SOX30: variants seen among roughly 807,000 people sequenced by gnomAD.
SOX30 encodes transcription factor SOX-30.
A neutral mutation model predicts 58.6 loss-of-function variants in SOX30; 17 were observed. That is an observed-to-expected ratio of 0.29 (90% CI 0.20 to 0.44). The LOEUF (loss-of-function observed/expected upper bound fraction) is 0.44. Ranked by LOEUF, SOX30 falls within the 20% of genes least tolerant of loss-of-function variation. The pLI, the probability that SOX30 is intolerant of heterozygous loss-of-function variation, is 1.00. For missense variants in SOX30, 951 were observed against 965.8 expected (o/e 0.98, Z 0.20); for synonymous variants, 421 against 400.2 (o/e 1.05, Z -0.62).
intron 3 of SOX30, among the ~76,000 whole-genome samples, chr5:157,643,100 GGACAACAAC>G: frequency 6.8e-6 from 1 of 147,848 alleles, no homozygotes; most frequent in South Asian, 2.2e-4. Context: ...AGAAGAAAAC[GGACAACAAC>G]AACAACAACA....
In SOX30 at chr5:157,651,450, C is replaced by T. The variant is rs1263415020; in HGVS notation, c.629G>A (p.Gly210Asp). 1.2e-6 allele frequency: 2 copies of T among 1,613,308 alleles called. No homozygotes were observed. Among genetic ancestry groups the T allele is most frequent in the African/African-American group, 1.3e-5 (1 of 74,952 alleles). ...AGKSPAAIREGVIKTEEPERL... is the reference protein window; with the variant it reads ...AGKSPAAIREDVIKTEEPERL... ...CTCGGGTTCCTCCGTTTTGATCACA[C>T]CTTCTCGGATGGCTGCCGGGCTTTT... Residue 210 changes from glycine to aspartate, a missense_variant, in exon 1 of 5, where the codon GGT becomes GAT. This residue lies in a region of SOX30 where 363 missense variants were observed against 294.5 expected (regional missense o/e 1.23). Transcript: ENST00000265007.
chr5:157,634,923 C>A (rs1209881795), intron 4 of SOX30, among the ~76,000 whole-genome samples: 1 of 152,214 alleles, frequency 6.6e-6, no homozygotes, highest in East Asian at 1.9e-4. Context: ...GCTGGGATTA[C>A]AGGCGTGAGC....
chr5:157,646,489 C>T, intron 3 of SOX30, 148 bp downstream of exon 3: 1 of 629,122 alleles, frequency 1.6e-6, no homozygotes, highest in Non-Finnish European at 2.7e-6. Flanking sequence ...TTTCCTTCTC[C>T]TATTTAATGT....
intron 2 of SOX30, among the ~76,000 whole-genome samples, chr5:157,648,043 G>A (rs1395591245): frequency 6.6e-6 from 1 of 152,094 alleles, no homozygotes; most frequent in Non-Finnish European, 1.5e-5. Flanking sequence ...TTCATTACTA[G>A]AACCTCTCTG....
chr5:157,656,943 G>A (rs1044583148), upstream of SOX30, among the ~76,000 whole-genome samples: 1 of 152,106 alleles, frequency 6.6e-6, no homozygotes, highest in African/African-American at 2.4e-5. Context: ...AGTTTTTTTA[G>A]AGCAAAAACC....
chr5:157,645,912 C>T (rs1349976124), intron 3 of SOX30, among the ~76,000 whole-genome samples: 10 of 151,160 alleles, frequency 6.6e-5, no homozygotes, highest in Admixed American at 3.3e-4. Context: ...CCCAGCTAGT[C>T]GGGAGGCTGA....
chr5:157,651,737 T>G lies in SOX30; in HGVS notation c.342A>C (p.Thr114=). 1 of 1,560,452 alleles carries G rather than the reference T, an allele frequency of 6.4e-7. No homozygotes were observed. The highest frequency in any genetic ancestry group is 8.7e-7 in the Non-Finnish European group (1 of 1,155,648). The change falls in exon 1 of 5, where the codon ACA becomes ACC. Residue 114 remains threonine, a synonymous_variant. Coordinates refer to ENST00000265007, the MANE Select transcript of SOX30 (RefSeq NM_178424.2). The part of the protein sequence containing the change: ...RPDLRLLQPP[T]ASDGATSRPE... ...GCCTGGAGGTGGCGCCGTCTGACGC[T>G]GTCGGCGGCTGCAGGAGCCGCAGGT... is the stretch of plus-strand genomic sequence containing the variant.
At chr5:157,630,193 TCTC>T (rs1758756287) in intron 4 of SOX30, among the ~76,000 whole-genome samples, 1 of 152,212 alleles carries the variant, frequency 6.6e-6, no homozygotes, top group Admixed American at 6.5e-5. Context: ...GAAACACTGT[TCTC>T]CTGGTTTCCT....
At chr5:157,647,061 A>ATT (rs33962778) in intron 2 of SOX30, among the ~76,000 whole-genome samples, 14 of 134,538 alleles carry the variant, frequency 1.0e-4, no homozygotes, top group East Asian at 2.1e-4. Context: ...AGAGGGTCAA[A>ATT]TTTTTTTTTT....
intron 4 of SOX30, among the ~76,000 whole-genome samples, chr5:157,636,390 T>C (rs1242625507): frequency 6.6e-6 from 1 of 152,200 alleles, no homozygotes; most frequent in Non-Finnish European, 1.5e-5. Context: ...AAACATTTTA[T>C]AAAATTCTCC....
intron 1 of SOX30, among the ~76,000 whole-genome samples, chr5:157,670,520 GAA>G: frequency 6.6e-6 from 1 of 152,186 alleles, no homozygotes; most frequent in Non-Finnish European, 1.5e-5. Context: ...AAGTTAAAAT[GAA>G]GGGCTCTGTG....
chr5:157,660,205 G>T (rs1452688798), intron 2 of SOX30, among the ~76,000 whole-genome samples: 1 of 152,214 alleles, frequency 6.6e-6, no homozygotes, highest in Non-Finnish European at 1.5e-5. Flanking sequence ...AGTATTGCTT[G>T]AGTCCAAGAA....
chr5:157,670,703 C>A (rs554834198), intron 1 of SOX30, among the ~76,000 whole-genome samples: 6 of 152,314 alleles, frequency 3.9e-5, no homozygotes, highest in East Asian at 1.9e-4. Context: ...CCTATGAAGT[C>A]TTTGGCTTCC....
At chr5:157,642,602 T>A (rs1307006111) in intron 3 of SOX30, among the ~76,000 whole-genome samples, 1 of 151,806 alleles carries the variant, frequency 6.6e-6, no homozygotes, top group Non-Finnish European at 1.5e-5. Flanking sequence ...AAGAAAGAAA[T>A]GTGCCTCAAA....
At chr5:157,655,407 T>C (rs1422269666), upstream of SOX30, among the ~76,000 whole-genome samples, 1 of 152,170 alleles carries the variant, frequency 6.6e-6, no homozygotes, top group East Asian at 1.9e-4. Flanking sequence ...CCTTCTAAGA[T>C]TTAGGGGGCT....
At chr5:157,633,585 A>G (rs1758861167) in intron 4 of SOX30, among the ~76,000 whole-genome samples, 1 of 152,202 alleles carries the variant, frequency 6.6e-6, no homozygotes, top group Non-Finnish European at 1.5e-5. Context: ...CCATAAGTTT[A>G]GGCAAAAGTT....
chr5:157,651,847 C>G lies in SOX30; in HGVS notation c.232G>C (p.Val78Leu). ...RRLLQVKPEQ[V>L]LLLPQPQAQN... Reference sequence around the variant, plus strand: ...GCCTGAGGCTGTGGTAGCAGCAACACCTGCTCTGGCTTCACCTGCAGCAGC... The same window carrying G: ...GCCTGAGGCTGTGGTAGCAGCAACAGCTGCTCTGGCTTCACCTGCAGCAGC... The change falls in exon 1 of 5, where the codon GTG (valine) becomes CTG (leucine). Residue 78 changes from valine (V) to leucine (L), a missense_variant. Transcript: ENST00000265007. 6.3e-7 allele frequency: 1 copy of G among 1,582,542 alleles called. No individual in the cohort carries two copies. Among genetic ancestry groups the G allele is most frequent in the Non-Finnish European group, 8.6e-7 (1 of 1,168,736 alleles).
intron 4 of SOX30, among the ~76,000 whole-genome samples, chr5:157,627,672 AT>A (rs1225712126): frequency 6.6e-6 from 1 of 152,132 alleles, no homozygotes; most frequent in African/African-American, 2.4e-5. Flanking sequence ...AATGTGAAGA[AT>A]CAAAAAGACA....
At position 157,651,735 on chromosome 5, in the gene SOX30, G is replaced by A. The variant is rs546357113; in HGVS notation, c.344C>T (p.Ala115Val). Residue 115 changes from alanine to valine, a missense_variant, in exon 1 of 5, where the codon GCG (alanine) becomes GTG (valine). Transcript: ENST00000265007. ...GGGCCTGGAGGTGGCGCCGTCTGAC[G>A]CTGTCGGCGGCTGCAGGAGCCGCAG... ...PDLRLLQPPT[A>V]SDGATSRPEL... is the part of the protein sequence containing the mutation. The A allele has an allele frequency of 2.6e-6, 4 of 1,560,014 alleles. No individual in the cohort carries two copies. Among genetic ancestry groups the A allele is most frequent in the African/African-American group, 1.4e-5 (1 of 73,668 alleles).
Sources: gnomAD v4.1 joint callset for allele counts (sites outside exome capture counted in the v4.1 genomes callset) on GRCh38, gnomAD v4.1.1 for gene constraint, gnomAD v4.1.1 regional missense constraint, MANE v1.5 for transcripts, NCBI Gene and HGNC (gene_info 2026-07-23, HGNC 2026-07-21) for gene names.